The following PITHD1 variants were observed in gnomAD, a reference collection of about 807,000 sequenced individuals.
The protein encoded by PITHD1 is PITH domain-containing protein 1.
In PITHD1, 8 loss-of-function variants were observed where a neutral mutation model predicts 27.5. The ratio of observed to expected loss-of-function variants is 0.29; its 90% CI spans 0.17 to 0.52. The LOEUF (loss-of-function observed/expected upper bound fraction) is 0.52, where lower values mean the gene tolerates loss of function less well. Among genes scored for constraint, PITHD1 ranks in the 20% least tolerant of loss-of-function variants. PITHD1 has a pLI of 0.96. For synonymous variants in PITHD1, 118 were observed against 106.8 expected (o/e 1.10, Z -0.64); for missense variants, 233 against 283.9 (o/e 0.82, Z 1.29).
At chr1:23,782,119 A>G (rs770747807) in intron 3 of PITHD1, among the ~76,000 whole-genome samples, 22 of 152,220 alleles carry the variant, frequency 1.4e-4, no homozygotes, top group Non-Finnish European at 2.8e-4. Context: ...GTTACATGTT[A>G]CTAAAGAATT....
Position 23,779,740 on chromosome 1 carries a change from T to C in PITHD1, c.243-124T>C, listed in dbSNP as rs112598617. On this transcript the variant is annotated intron_variant, in intron 2 of 5. Coordinates refer to ENST00000246151, the MANE Select transcript of PITHD1 (RefSeq NM_020362.5). ...GAGGTAGACAGGATCTTAGAAATTA[T>C]CTAGTACAAGTTGACAGATGAGTAA... 106 of 744,032 alleles carry C rather than the reference T, an allele frequency of 1.4e-4. No individual in the cohort carries two copies. The African/African-American group carries it at 1.7e-3, about 12-fold the overall frequency. The allele number at this position is 744,032 out of a possible 1,614,324, so 46.1% of individuals were successfully genotyped here.
rs1416333881 is a variant in PITHD1, at chr1:23,787,287, G to A, written c.547G>A (p.Glu183Lys). The A allele has an allele frequency of 9.3e-6, 15 of 1,613,374 alleles. No individual in the cohort carries two copies. Among genetic ancestry groups the A allele is most frequent in the East Asian group, 2.2e-5 (1 of 44,886 alleles). The stretch of plus-strand genomic sequence containing the variant: ...AATTTTCTTGCAGCTTCGCCGACAC[G>A]AGGTGACCATCTGCAATTACGAAGC... ...RGEWTELRRH[E>K]VTICNYEASA... The change falls in exon 6 of 6, where the codon GAG (glutamate) becomes AAG (lysine). Residue 183 changes from glutamate (E) to lysine (K), a missense_variant. By Grantham distance (56) the Glu-to-Lys change is moderately conservative. Transcript: ENST00000246151.
At chr1:23,779,548 T>C in intron 2 of PITHD1, 67 bp downstream of exon 2, 1 of 1,170,908 alleles carries the variant, frequency 8.5e-7, no homozygotes, top group Admixed American at 1.7e-5. Context: ...GATGGATTCA[T>C]TCACTGGTGT....
chr1:23,780,127 AT>A (rs1239897865), intron 3 of PITHD1, among the ~76,000 whole-genome samples, 186 bp downstream of exon 3: 1 of 152,134 alleles, frequency 6.6e-6, no homozygotes, highest in East Asian at 1.9e-4. Flanking sequence ...ACTTTTTTAG[AT>A]TAAGCATCTT....
intron 1 of PITHD1, 47 bp downstream of exon 1, chr1:23,778,760 G>A: frequency 7.3e-6 from 8 of 1,101,246 alleles, no homozygotes; most frequent in African/African-American, 1.6e-5. Flanking sequence ...TGCGTGTGGG[G>A]CCTCGGGCCG....
chr1:23,779,800 G>C, intron 2 of PITHD1, 64 bp from the exon 3 acceptor site: 1 of 1,208,052 alleles, frequency 8.3e-7, no homozygotes, highest in South Asian at 1.2e-5. Flanking sequence ...TCTTGCCCAG[G>C]GTCACACAAC....
At chr1:23,783,587 G>A (rs1241629815) in intron 3 of PITHD1, among the ~76,000 whole-genome samples, 1 of 151,644 alleles carries the variant, frequency 6.6e-6, no homozygotes, top group South Asian at 2.1e-4. Flanking sequence ...GAGTAGCTGG[G>A]ATTACAGGTA....
chr1:23,778,485 G>A lies in PITHD1; in HGVS notation c.-31G>A. The A allele has an allele frequency of 7.5e-7, 1 of 1,334,100 alleles. No homozygotes were observed. The highest frequency in any genetic ancestry group is 1.9e-5 in the South Asian group (1 of 52,300). The allele number at this position is 1,334,100 out of a possible 1,614,324, so 82.6% of individuals were successfully genotyped here. A position where few individuals can be genotyped will look rare whatever the true frequency, so the allele number is the denominator to read the frequency against. ...CGAGCCGAGCGAGCGCGGCGGTGGGGCCGAGAGGACGCGCAGGTGGCGGCG... is the reference window on the plus strand; with the variant it reads ...CGAGCCGAGCGAGCGCGGCGGTGGGACCGAGAGGACGCGCAGGTGGCGGCG... On this transcript the variant is annotated 5_prime_UTR_variant, in exon 1 of 6. Coordinates refer to ENST00000246151, the MANE Select transcript of PITHD1 (RefSeq NM_020362.5).
chr1:23,786,376 G>A lies in PITHD1; in HGVS notation c.487G>A (p.Asp163Asn). 1 of 1,608,602 alleles carries A rather than the reference G, an allele frequency of 6.2e-7. No homozygotes were observed. Among genetic ancestry groups the A allele is most frequent in the African/African-American group, 1.3e-5 (1 of 74,942 alleles). ...TCATATTTCAAAAAACTTCGGAGCA[G>A]ATACGACAAAGGTCTTTTATATTGG... Reference protein sequence around the residue: ...SIHISKNFGADTTKVFYIGLR... With the variant: ...SIHISKNFGANTTKVFYIGLR... Residue 163 changes from aspartate to asparagine, a missense_variant, in exon 5 of 6, where the codon GAT becomes AAT. Transcript: ENST00000246151.
chr1:23,780,107 T>A (rs1001385343), intron 3 of PITHD1, among the ~76,000 whole-genome samples, 166 bp downstream of exon 3: 1 of 152,238 alleles, frequency 6.6e-6, no homozygotes, highest in Non-Finnish European at 1.5e-5. Flanking sequence ...TATTTCTTCC[T>A]GAATTAATGA....
At chr1:23,783,362 T>TATGTGTATATATAC (rs1215221821) in intron 3 of PITHD1, among the ~76,000 whole-genome samples, 45 of 140,198 alleles carry the variant, frequency 3.2e-4, no homozygotes, top group African/African-American at 1.0e-3. Context: ...TATACGCATA[T>TATGTGTATATATAC]ATATATACAC....
At chr1:23,786,923 TCTA>T (rs1335247407) in intron 5 of PITHD1, among the ~76,000 whole-genome samples, 1 of 152,122 alleles carries the variant, frequency 6.6e-6, no homozygotes, top group Non-Finnish European at 1.5e-5. Flanking sequence ...TTCACAGTTT[TCTA>T]CTTTCAAATG....
intron 3 of PITHD1, among the ~76,000 whole-genome samples, chr1:23,782,477 C>T (rs533204301): frequency 6.6e-6 from 1 of 151,782 alleles, no homozygotes; most frequent in East Asian, 1.9e-4. Flanking sequence ...TGCCTCAATC[C>T]CAGCACTTTG....
rs1199391732 is a variant in PITHD1, at chr1:23,788,071, T to C, written c.*695T>C. On this transcript the variant is annotated 3_prime_UTR_variant, in exon 6 of 6. Coordinates refer to ENST00000246151, the MANE Select transcript of PITHD1 (RefSeq NM_020362.5). ...TGTGTGGGTAATCTGGTCAGTAAGA[T>C]TGAGACTTAGTTAAGATTCCCCTTG... The C allele has an allele frequency of 6.6e-6, 1 of 152,206 alleles. No individual in the cohort carries two copies. The highest frequency in any genetic ancestry group is 2.4e-5 in the African/African-American group (1 of 41,456). 9.4% of individuals were successfully genotyped at this position (152,206 alleles called of 1,614,324 possible).
At chr1:23,780,485 A>C (rs888340420) in intron 3 of PITHD1, among the ~76,000 whole-genome samples, 1 of 152,206 alleles carries the variant, frequency 6.6e-6, no homozygotes, top group African/African-American at 2.4e-5. Flanking sequence ...TTCCTAAAAG[A>C]AGGGGAAAAC....
intron 4 of PITHD1, 30 bp from the exon 5 acceptor site, chr1:23,786,285 C>A: frequency 2.0e-6 from 2 of 996,356 alleles, no homozygotes; most frequent in Non-Finnish European, 1.6e-6. Context: ...ATAATTCATA[C>A]CTTCTTTCCC....
At chr1:23,784,690 C>T (rs1322005739) in intron 3 of PITHD1, among the ~76,000 whole-genome samples, 1 of 152,050 alleles carries the variant, frequency 6.6e-6, no homozygotes, top group Admixed American at 6.6e-5. Context: ...TTAGATTACT[C>T]TTTGAAAAAC....
At chr1:23,785,289 T>TA (rs919517208) in intron 3 of PITHD1, 3 of 163,896 alleles carry the variant, frequency 1.8e-5, no homozygotes, top group African/African-American at 7.2e-5. Context: ...GGTTGGGAGT[T>TA]AGAGACCAGC....
In PITHD1 at chr1:23,787,289, G is replaced by C. The variant is rs958681755; in HGVS notation, c.549G>C (p.Glu183Asp). ...RGEWTELRRH[E>D]VTICNYEASA... ...TTTTCTTGCAGCTTCGCCGACACGA[G>C]GTGACCATCTGCAATTACGAAGCAT... Residue 183 changes from glutamate (E) to aspartate (D), a missense_variant, in exon 6 of 6, where the codon GAG becomes GAC. By Grantham distance (45) the Glu-to-Asp change is conservative. Transcript: ENST00000246151. The C allele has an allele frequency of 1.4e-5, 23 of 1,613,632 alleles. No individual in the cohort carries two copies. Among genetic ancestry groups the C allele is most frequent in the Non-Finnish European group, 1.9e-5 (23 of 1,179,612 alleles).
Sources: gnomAD v4.1 joint callset for allele counts (sites outside exome capture counted in the v4.1 genomes callset) on GRCh38, gnomAD v4.1.1 for gene constraint, MANE v1.5 for transcripts, NCBI Gene and HGNC (gene_info 2026-07-23, HGNC 2026-07-21) for gene names.